Variants in ADAM18 observed in about 807,000 individuals in gnomAD.
The protein encoded by ADAM18 is disintegrin and metalloproteinase domain-containing protein 18.
A neutral mutation model predicts 94.4 loss-of-function variants in ADAM18; 117 were observed. The ratio of observed to expected loss-of-function variants is 1.24; its 90% CI spans 1.07 to 1.45. The LOEUF is 1.45. Among genes scored for constraint, ADAM18 ranks in the 40% most tolerant of loss-of-function variants. ADAM18 has a pLI of 0.00. For missense variants in ADAM18, 936 were observed against 880.0 expected, an observed-to-expected ratio of 1.06 and a Z score of -0.81; for synonymous variants, 327 against 291.6, an observed-to-expected ratio of 1.12 and a Z score of -1.24.
At chr8:39,635,824 G>A (rs997669132) in intron 7 of ADAM18, among the ~76,000 whole-genome samples, 4 of 152,018 alleles carry the variant, frequency 2.6e-5, no homozygotes, top group East Asian at 3.9e-4. Context: ...TTGAGAATCC[G>A]TTTTATGTTT....
At position 39,668,213 on chromosome 8, in the gene ADAM18, C is replaced by T. The variant is rs74967527; in HGVS notation, c.1525+17C>T. 3.7e-3 allele frequency: 5,988 copies of T among 1,611,452 alleles called. 175 individuals are homozygous for T. In the African/African-American group the frequency reaches 0.065, roughly 18 times the overall value. ...TTGGAAAAGGTATTGCTCTTTCTTT[C>T]GTATTTATTTTACCTTACATTTGCA... On this transcript the variant is annotated intron_variant, in intron 14 of 19. Transcript: ENST00000265707.
At chr8:39,650,591 A>G (rs1300281995) in intron 12 of ADAM18, among the ~76,000 whole-genome samples, 1 of 152,208 alleles carries the variant, frequency 6.6e-6, no homozygotes, top group East Asian at 1.9e-4. Flanking sequence ...AGGTGATGAA[A>G]GATCTGTATA....
intron 2 of ADAM18, chr8:39,604,711 C>T (rs1168941494): frequency 6.6e-6 from 1 of 152,180 alleles, no homozygotes; most frequent in Non-Finnish European, 1.5e-5. Context: ...AGATGTTGGT[C>T]CCATGCCTGT....
chr8:39,677,229 T>C (rs1435963968), intron 14 of ADAM18, among the ~76,000 whole-genome samples: 1 of 152,192 alleles, frequency 6.6e-6, no homozygotes, highest in Non-Finnish European at 1.5e-5. Context: ...ATATAACTTA[T>C]TGCAATAGAT....
rs142580112 is a variant in ADAM18, at chr8:39,605,085, C to CA, written c.133-1221dup. 6.6e-3 allele frequency among the ~76,000 whole-genome samples: 998 copies of CA among 152,282 alleles called. 12 individuals carry two copies. The highest frequency in any genetic ancestry group is 0.023 in the African/African-American group (945 of 41,552). On this transcript the variant is annotated intron_variant, in intron 2 of 19. Coordinates refer to ENST00000265707, the MANE Select transcript of ADAM18 (RefSeq NM_014237.3). ...ATTTGCCTCCAGTCTGGGTGATGAG[C>CA]AGATAGCCTTCTGAGCCTGTGTGCT...
At chr8:39,666,636 G>A (rs954571310) in intron 13 of ADAM18, among the ~76,000 whole-genome samples, 5 of 152,186 alleles carry the variant, frequency 3.3e-5, no homozygotes, top group Non-Finnish European at 5.9e-5. Context: ...AAGGTGAAAG[G>A]CACATCTCAC....
intron 19 of ADAM18, among the ~76,000 whole-genome samples, chr8:39,725,488 TC>T: frequency 6.6e-6 from 1 of 152,224 alleles, no homozygotes; most frequent in East Asian, 1.9e-4. Flanking sequence ...ACCACCACCT[TC>T]CCATTCTCTG....
chr8:39,710,525 A>G (rs552223546), intron 18 of ADAM18, among the ~76,000 whole-genome samples: 1 of 152,304 alleles, frequency 6.6e-6, no homozygotes, highest in South Asian at 2.1e-4. Flanking sequence ...TTTGTTCATG[A>G]AAACTACTTC....
rs535186326 is a variant in ADAM18, at chr8:39,657,876, T to C, written c.1231-5919T>C. 1.6e-4 allele frequency among the ~76,000 whole-genome samples: 25 copies of C among 152,288 alleles called. 1 individual carries two copies. The South Asian group carries it at 3.9e-3, about 24-fold the overall frequency. On this transcript the variant is annotated intron_variant, in intron 12 of 19. Coordinates refer to ENST00000265707, the MANE Select transcript of ADAM18 (RefSeq NM_014237.3). ...AAAACAAAAAACCTATGATACCTCA[T>C]AAATATTAAAAATATAATGATGTCA...
intron 18 of ADAM18, among the ~76,000 whole-genome samples, chr8:39,708,238 C>T (rs1227971110): frequency 6.6e-6 from 1 of 152,192 alleles, no homozygotes; most frequent in African/African-American, 2.4e-5. Flanking sequence ...GGAGTGACTA[C>T]TGTAATCTTA....
chr8:39,728,605 A>G (rs1191392486), intron 19 of ADAM18, among the ~76,000 whole-genome samples: 3 of 152,224 alleles, frequency 2.0e-5, no homozygotes, highest in Non-Finnish European at 4.4e-5. Context: ...CATACAACAT[A>G]TATCACAACG....
intron 12 of ADAM18, among the ~76,000 whole-genome samples, chr8:39,649,270 A>G (rs936744276): frequency 6.6e-6 from 1 of 152,110 alleles, no homozygotes; most frequent in African/African-American, 2.4e-5. Context: ...ATATTTCACA[A>G]GGTAAAACCT....
intron 7 of ADAM18, among the ~76,000 whole-genome samples, chr8:39,632,739 C>T (rs11988910): frequency 1.3e-5 from 2 of 152,052 alleles, no homozygotes; most frequent in African/African-American, 4.8e-5. Context: ...TGACCCCTTC[C>T]ACATATAGTT....
At chr8:39,612,602 A>C (rs1465944025) in intron 6 of ADAM18, among the ~76,000 whole-genome samples, 1 of 151,488 alleles carries the variant, frequency 6.6e-6, no homozygotes, top group Non-Finnish European at 1.5e-5. Context: ...GGCTCTTCAC[A>C]CTCCTCTAGG....
rs375750085 is a variant in ADAM18, at chr8:39,612,098, A to C, written c.522+1392A>C. Among the ~76,000 whole-genome samples the C allele has an allele frequency of 2.8e-4, 43 of 152,222 alleles. No individual in the cohort carries two copies. In the East Asian group the frequency reaches 7.9e-3, roughly 28 times the overall value. Reference sequence around the variant, plus strand: ...ACCTTGAATGTAAATGAATTATACTATCCAGCTAAAAGAAATAATGTGGCT... The same window carrying C: ...ACCTTGAATGTAAATGAATTATACTCTCCAGCTAAAAGAAATAATGTGGCT... On this transcript the variant is annotated intron_variant, in intron 6 of 19. Coordinates refer to ENST00000265707, the MANE Select transcript of ADAM18 (RefSeq NM_014237.3).
chr8:39,627,902 T>C (rs1293601846), intron 6 of ADAM18, among the ~76,000 whole-genome samples: 1 of 152,094 alleles, frequency 6.6e-6, no homozygotes, highest in Admixed American at 6.6e-5. Flanking sequence ...CTTCTAGGGC[T>C]GATCTAGTAG....
At chr8:39,726,662 T>C (rs555120543) in intron 19 of ADAM18, among the ~76,000 whole-genome samples, 17 of 152,252 alleles carry the variant, frequency 1.1e-4, no homozygotes, top group African/African-American at 3.8e-4. Flanking sequence ...TATTTTCTGC[T>C]AGAAGTTTTA....
At chr8:39,713,247 C>T (rs1822469728) in intron 18 of ADAM18, among the ~76,000 whole-genome samples, 1 of 152,162 alleles carries the variant, frequency 6.6e-6, no homozygotes, top group Admixed American at 6.5e-5. Context: ...ATGTAGAAAA[C>T]TGAAACTGGA....
intron 6 of ADAM18, among the ~76,000 whole-genome samples, chr8:39,625,922 T>A (rs1444477229): frequency 6.6e-6 from 1 of 152,198 alleles, no homozygotes; most frequent in Non-Finnish European, 1.5e-5. Context: ...GGATTCTATT[T>A]GCTAGTATTT....
Sources: allele counts gnomAD v4.1 joint callset (sites outside exome capture counted in the v4.1 genomes callset), GRCh38; gene constraint gnomAD v4.1.1; transcripts MANE v1.5; gene names NCBI Gene and HGNC (gene_info 2026-07-23, HGNC 2026-07-21).